TRIO: variants seen among roughly 807,000 people sequenced by gnomAD.
The protein encoded by TRIO is trio Rho guanine nucleotide exchange factor.
TRIO carries 58 observed loss-of-function variants against 351.9 expected under a neutral mutation model. The observed-to-expected ratio is 0.16, with a 90% CI of 0.13 to 0.21. The LOEUF is 0.21. Among genes scored for constraint, TRIO ranks in the 10% least tolerant of loss-of-function variants. The probability of loss-of-function intolerance (pLI) is 1.00; values close to 1 mark genes in which losing one functional copy is unlikely to be tolerated. For missense variants in TRIO, 3,201 were observed against 4,027.8 expected (o/e 0.79, Z 5.56); for synonymous variants, 1,758 against 1,595.7 (o/e 1.10, Z -2.42).
Position 14,280,731 on chromosome 5 carries a change from T to G in TRIO, c.347+295T>G, listed in dbSNP as rs534695158. ...GAGTTAGAAAGCCATTGTTGATGAT[T>G]CTAATACCGTGACACAGAGGCCTGG... On this transcript the variant is annotated intron_variant, in intron 3 of 56. Coordinates refer to ENST00000344204, the MANE Select transcript of TRIO (RefSeq NM_007118.4). 3.9e-4 allele frequency among the ~76,000 whole-genome samples: 60 copies of G among 152,302 alleles called. 1 individual carries two copies. In the East Asian group the frequency reaches 9.5e-3, roughly 24 times the overall value.
chr5:14,404,385 C>A (rs1004268493), intron 31 of TRIO, among the ~76,000 whole-genome samples: 3 of 152,022 alleles, frequency 2.0e-5, no homozygotes, highest in Non-Finnish European at 4.4e-5. Context: ...TTCTGAAAAA[C>A]TGACATCTTT....
chr5:14,374,391 A>G (rs761669999), intron 19 of TRIO, 48 bp downstream of exon 19: 54 of 1,441,778 alleles, frequency 3.7e-5, no homozygotes, highest in Non-Finnish European at 5.2e-5. Context: ...CATGCCTGGC[A>G]AGAGACAAAA....
intron 33 of TRIO, among the ~76,000 whole-genome samples, chr5:14,411,406 A>C (rs1749184984): frequency 6.6e-6 from 1 of 152,158 alleles, no homozygotes. Context: ...CCGAGGCGAG[A>C]TGAGGTATCC....
intron 33 of TRIO, among the ~76,000 whole-genome samples, chr5:14,416,769 A>T (rs1172708262): frequency 6.7e-6 from 1 of 148,750 alleles, no homozygotes; most frequent in Admixed American, 6.7e-5. Context: ...CCCGCAGCCC[A>T]TGGCTTTGAG....
At chr5:14,476,999 T>TAA (rs1755130238) in intron 41 of TRIO, 36 bp downstream of exon 41, 11 of 1,572,892 alleles carry the variant, frequency 7.0e-6, no homozygotes, top group Non-Finnish European at 9.6e-6. Context: ...CCTGTTCTGA[T>TAA]GGTGTCATCC....
chr5:14,153,994 T>G (rs904712989), intron 1 of TRIO, among the ~76,000 whole-genome samples: 1 of 152,194 alleles, frequency 6.6e-6, no homozygotes, highest in Non-Finnish European at 1.5e-5. Context: ...TTCTGTGCCT[T>G]TCCTCTTCTC....
chr5:14,408,049 T>C (rs1748877817), intron 33 of TRIO, among the ~76,000 whole-genome samples: 1 of 152,222 alleles, frequency 6.6e-6, no homozygotes, highest in East Asian at 1.9e-4. Flanking sequence ...CGGGAGTCTG[T>C]TCTCTGCACA....
intron 1 of TRIO, among the ~76,000 whole-genome samples, chr5:14,234,090 G>T (rs1490561478): frequency 1.3e-5 from 2 of 152,140 alleles, no homozygotes; most frequent in Non-Finnish European, 2.9e-5. Context: ...ACCATGTCTG[G>T]CCTTGGTTAA....
intron 30 of TRIO, 21 bp downstream of exon 30, chr5:14,399,091 T>C: frequency 6.2e-7 from 1 of 1,606,864 alleles, no homozygotes; most frequent in Non-Finnish European, 8.5e-7. Context: ...GCGTTCAGAA[T>C]TGTAAGTCTA....
At chr5:14,310,744 G>T (rs755810623) in intron 8 of TRIO, among the ~76,000 whole-genome samples, 2 of 152,210 alleles carry the variant, frequency 1.3e-5, no homozygotes, top group Non-Finnish European at 2.9e-5. Context: ...GGAATGCAGT[G>T]GTGCGATTTA....
In TRIO at chr5:14,504,384, A is replaced by AT; in HGVS notation, c.8412-5dup. Reference sequence around the variant, plus strand: ...CCTCTGCAAATGGTCCCCCTGACATATTTTACAGGGGCAGATTCTCTGTCG... The same window carrying AT: ...CCTCTGCAAATGGTCCCCCTGACATATTTTTACAGGGGCAGATTCTCTGTCG... On this transcript the variant is annotated splice_polypyrimidine_tract_variant and intron_variant, in intron 54 of 56. Transcript: ENST00000344204. 1.2e-6 allele frequency: 2 copies of AT among 1,613,942 alleles called. No individual in the cohort carries two copies. Among genetic ancestry groups the AT allele is most frequent in the Non-Finnish European group, 1.7e-6 (2 of 1,179,970 alleles).
At chr5:14,199,159 C>T (rs994537469) in intron 1 of TRIO, among the ~76,000 whole-genome samples, 1 of 128,310 alleles carries the variant, frequency 7.8e-6, no homozygotes, top group Non-Finnish European at 1.6e-5. Flanking sequence ...ATTGTTTGAA[C>T]CTGCTGCATT....
chr5:14,235,073 G>A (rs1451857175), intron 1 of TRIO, among the ~76,000 whole-genome samples: 1 of 152,024 alleles, frequency 6.6e-6, no homozygotes, highest in African/African-American at 2.4e-5. Flanking sequence ...TTCTCTTTGA[G>A]GAAACCCTGA....
Position 14,488,107 on chromosome 5 carries a change from C to A in TRIO, c.7479C>A (p.Pro2493=). Residue 2493 remains proline, a synonymous_variant, in exon 48 of 57, where the codon CCC becomes CCA. Coordinates refer to ENST00000344204, the MANE Select transcript of TRIO (RefSeq NM_007118.4). ...TCTGGAGCTCCATCCCCGCCTCCCC[C>A]GCCAGCCGACCCGGCTCCTTCACCT... ...GSFWSSIPAS[P]ASRPGSFTFP... is the part of the protein sequence containing the mutation. 6.2e-7 allele frequency: 1 copy of A among 1,609,728 alleles called. No individual in the cohort carries two copies. Among genetic ancestry groups the A allele is most frequent in the Non-Finnish European group, 8.5e-7 (1 of 1,179,138 alleles).
chr5:14,153,210 A>G (rs923611943), intron 1 of TRIO, among the ~76,000 whole-genome samples: 1 of 152,212 alleles, frequency 6.6e-6, no homozygotes, highest in Non-Finnish European at 1.5e-5. Flanking sequence ...CAGCCTTGCA[A>G]CAGCCTGCCC....
chr5:14,376,291 T>G (rs887559494), intron 19 of TRIO, among the ~76,000 whole-genome samples: 20 of 152,242 alleles, frequency 1.3e-4, no homozygotes, highest in Non-Finnish European at 2.1e-4. Flanking sequence ...ATTTTTTTCT[T>G]AAGTTTTTTG....
chr5:14,417,767 C>T lies in TRIO; in HGVS notation c.4960-2011C>T, dbSNP rs115897506. On this transcript the variant is annotated intron_variant, in intron 33 of 56. Coordinates refer to ENST00000344204, the MANE Select transcript of TRIO (RefSeq NM_007118.4). ...GCTCCTGAAGCCAGTGAGGAAAATCCAGGCTTCGTTTTGGGTTTTCAAATG... is the reference window on the plus strand; with the variant it reads ...GCTCCTGAAGCCAGTGAGGAAAATCTAGGCTTCGTTTTGGGTTTTCAAATG... Among the ~76,000 whole-genome samples, 239 of 152,346 alleles carry T rather than the reference C, an allele frequency of 1.6e-3. 1 individual carries two copies. The highest frequency in any genetic ancestry group is 5.7e-3 in the African/African-American group (236 of 41,576).
intron 3 of TRIO, among the ~76,000 whole-genome samples, chr5:14,284,527 G>A (rs911580062): frequency 2.1e-4 from 32 of 152,182 alleles, no homozygotes; most frequent in African/African-American, 7.0e-4. Context: ...ACAGAGGAAG[G>A]CGAATAGTTA....
intron 1 of TRIO, among the ~76,000 whole-genome samples, chr5:14,228,178 G>C (rs114101377): frequency 6.6e-6 from 1 of 152,184 alleles, no homozygotes; most frequent in Non-Finnish European, 1.5e-5. Context: ...ATTACTGCCT[G>C]GTTAGGCTTG....
Sources: gnomAD v4.1 joint callset for allele counts (sites outside exome capture counted in the v4.1 genomes callset) on GRCh38, gnomAD v4.1.1 for gene constraint, MANE v1.5 for transcripts, NCBI Gene and HGNC (gene_info 2026-07-23, HGNC 2026-07-21) for gene names.